LRP1B: variants seen among roughly 807,000 people sequenced by gnomAD.
LRP1B encodes LDL receptor related protein 1B.
In LRP1B, 217 loss-of-function variants were observed where a neutral mutation model predicts 556.6. That is an observed-to-expected ratio of 0.39 (90% CI 0.35 to 0.44). The LOEUF (loss-of-function observed/expected upper bound fraction) is 0.44, where lower values mean the gene tolerates loss of function less well. LRP1B is among the 20% of genes least tolerant of loss of function. The probability of loss-of-function intolerance (pLI) is 1.00; values close to 1 mark genes in which losing one functional copy is unlikely to be tolerated. For synonymous variants in LRP1B, 2,047 were observed against 1,865.8 expected (o/e 1.10, Z -2.50); for missense variants, 5,053 against 5,620.8 (o/e 0.90, Z 3.23).
chr2:140,427,076 G>A (rs140586199), intron 66 of LRP1B, among the ~76,000 whole-genome samples: 3,783 of 151,698 alleles, frequency 0.025, 56 homozygotes, highest in African/African-American at 0.044. Flanking sequence ...TCATTTTCTC[G>A]TAGAGACAAA....
intron 86 of LRP1B, among the ~76,000 whole-genome samples, chr2:140,264,101 A>G (rs968347291): frequency 7.2e-5 from 11 of 152,084 alleles, no homozygotes; most frequent in African/African-American, 2.7e-4. Flanking sequence ...CTGTTCATTC[A>G]CATGGCCATC....
At chr2:141,366,371 A>G (rs1334982814) in intron 3 of LRP1B, among the ~76,000 whole-genome samples, 1 of 152,214 alleles carries the variant, frequency 6.6e-6, no homozygotes, top group East Asian at 1.9e-4. Context: ...AAACACAATA[A>G]CTAAGCTTTC....
chr2:140,904,128 A>C (rs557430914), intron 22 of LRP1B, among the ~76,000 whole-genome samples: 15 of 152,246 alleles, frequency 9.9e-5, no homozygotes, highest in Admixed American at 2.0e-4. Flanking sequence ...TAACAAGTTA[A>C]AAATATTTGA....
At chr2:141,804,978 T>C (rs1696124580) in intron 2 of LRP1B, among the ~76,000 whole-genome samples, 2 of 152,074 alleles carry the variant, frequency 1.3e-5, no homozygotes, top group African/African-American at 4.8e-5. Flanking sequence ...TGGTACATAC[T>C]ACCAAGTTCC....
chr2:140,943,209 G>T (rs977070560), intron 20 of LRP1B, among the ~76,000 whole-genome samples: 59 of 152,182 alleles, frequency 3.9e-4, no homozygotes, highest in African/African-American at 1.3e-3. Context: ...TAATGATAAA[G>T]GGTTCAAGTC....
chr2:140,335,626 A>G lies in LRP1B; in HGVS notation c.12105T>C (p.Asn4035=). Reference sequence around the variant, plus strand: ...AGCCATTAACCTACCCTCTTTTAGGATTTACTGCAATAGCATAGGGTTCTC... The same window carrying G: ...AGCCATTAACCTACCCTCTTTTAGGGTTTACTGCAATAGCATAGGGTTCTC... ...MAGEPYAIAV[N]PKRGMMYWTV... The change falls in exon 78 of 91, where the codon AAT becomes AAC. Residue 4035 remains asparagine, a synonymous_variant. Transcript: ENST00000389484. 1.2e-6 allele frequency: 2 copies of G among 1,602,446 alleles called. No individual in the cohort carries two copies. Among genetic ancestry groups the G allele is most frequent in the Non-Finnish European group, 8.5e-7 (1 of 1,169,906 alleles).
intron 3 of LRP1B, among the ~76,000 whole-genome samples, chr2:141,366,427 A>T (rs1449802908): frequency 1.3e-5 from 2 of 152,256 alleles, no homozygotes; most frequent in East Asian, 3.8e-4. Context: ...CTTCAGTTTA[A>T]GGAATAAAAT....
chr2:140,625,160 G>A (rs1215794506), intron 41 of LRP1B, among the ~76,000 whole-genome samples: 1 of 152,110 alleles, frequency 6.6e-6, no homozygotes, highest in Non-Finnish European at 1.5e-5. Context: ...CTCTGGAGAA[G>A]GGTAGAAGCA....
At chr2:141,336,114 CAAAAAA>C (rs60102985) in intron 3 of LRP1B, among the ~76,000 whole-genome samples, 3 of 93,068 alleles carry the variant, frequency 3.2e-5, no homozygotes, top group African/African-American at 8.8e-5. Context: ...CAGACCTGTC[CAAAAAA>C]AAAAAAAAAA....
intron 7 of LRP1B, among the ~76,000 whole-genome samples, chr2:141,094,945 A>AC (rs1700260371): frequency 6.6e-6 from 1 of 152,166 alleles, no homozygotes; most frequent in African/African-American, 2.4e-5. Flanking sequence ...TGAAAGTTTG[A>AC]TCCCCAGTGC....
intron 35 of LRP1B, among the ~76,000 whole-genome samples, chr2:140,741,824 A>T (rs1450757031): frequency 6.6e-6 from 1 of 152,062 alleles, no homozygotes; most frequent in Non-Finnish European, 1.5e-5. Context: ...TATGTGCTCA[A>T]TGCTTAGCTC....
At chr2:140,639,897 G>C (rs947153618) in intron 41 of LRP1B, among the ~76,000 whole-genome samples, 58 of 152,140 alleles carry the variant, frequency 3.8e-4, no homozygotes, top group Non-Finnish European at 2.9e-5. Context: ...CAACAAGTGT[G>C]CTACTACCTC....
chr2:140,953,044 A>C (rs1457738454), intron 18 of LRP1B, among the ~76,000 whole-genome samples: 1 of 152,102 alleles, frequency 6.6e-6, no homozygotes, highest in Non-Finnish European at 1.5e-5. Context: ...AAAGATAGAA[A>C]AAACTGATAT....
chr2:140,999,532 C>T (rs1697351021), intron 15 of LRP1B, among the ~76,000 whole-genome samples: 1 of 152,120 alleles, frequency 6.6e-6, no homozygotes, highest in South Asian at 2.1e-4. Flanking sequence ...TATAGTATTT[C>T]CTTACAAGCC....
Position 140,640,392 on chromosome 2 carries a change from T to TTC in LRP1B, c.6800-38754_6800-38753insGA, listed in dbSNP as rs1201667407. Reference sequence around the variant, plus strand: ...TCCCTTGTCCTGTTTTCTTTTTTTTTTTTTTTTTTTTTTTTTTTTTTGAGA... The same window carrying TTC: ...TCCCTTGTCCTGTTTTCTTTTTTTTTTCTTTTTTTTTTTTTTTTTTTTTGAGA... On this transcript the variant is annotated intron_variant, in intron 41 of 90. Coordinates refer to ENST00000389484, the MANE Select transcript of LRP1B (RefSeq NM_018557.3). Among the ~76,000 whole-genome samples, 9 of 65,954 alleles carry TTC rather than the reference T, an allele frequency of 1.4e-4. No homozygotes were observed. The East Asian group carries it at 2.4e-3, about 18-fold the overall frequency. 43.3% of individuals were successfully genotyped at this position (65,954 alleles called of 152,430 possible).
At chr2:140,672,955 CTT>C (rs1685540300) in intron 41 of LRP1B, among the ~76,000 whole-genome samples, 1 of 152,206 alleles carries the variant, frequency 6.6e-6, no homozygotes, top group Admixed American at 6.5e-5. Flanking sequence ...TGAATGAACA[CTT>C]TTAGCTCTTC....
At chr2:141,310,648 C>T (rs946279016) in intron 3 of LRP1B, among the ~76,000 whole-genome samples, 3 of 152,090 alleles carry the variant, frequency 2.0e-5, no homozygotes, top group African/African-American at 7.2e-5. Context: ...CACGGACACA[C>T]ACAAAGAAGA....
chr2:142,052,365 G>C (rs551166819), intron 1 of LRP1B, among the ~76,000 whole-genome samples: 1 of 152,176 alleles, frequency 6.6e-6, no homozygotes, highest in South Asian at 2.1e-4. Flanking sequence ...CCAGAATGAA[G>C]TATAGGAAAA....
intron 35 of LRP1B, among the ~76,000 whole-genome samples, chr2:140,738,710 A>G (rs1339795438): frequency 2.0e-5 from 3 of 152,112 alleles, no homozygotes; most frequent in Non-Finnish European, 2.9e-5. Context: ...ATCACAGTCC[A>G]TCAGATCTCC....
Sources: gnomAD v4.1 joint callset for allele counts (sites outside exome capture counted in the v4.1 genomes callset) on GRCh38, gnomAD v4.1.1 for gene constraint, MANE v1.5 for transcripts, NCBI Gene and HGNC (gene_info 2026-07-23, HGNC 2026-07-21) for gene names.